The following RBM6 variants were observed in gnomAD, a reference collection of about 807,000 sequenced individuals.
RBM6 encodes the protein RNA binding motif protein 6.
A neutral mutation model predicts 140.4 loss-of-function variants in RBM6; 23 were observed. The ratio of observed to expected loss-of-function variants is 0.16; its 90% CI spans 0.12 to 0.23. The LOEUF is 0.23. Ranked by LOEUF, RBM6 falls within the 10% of genes least tolerant of loss-of-function variation. The pLI is 1.00. For missense variants in RBM6, 1,139 were observed against 1,386.7 expected (o/e 0.82, Z 2.84); for synonymous variants, 439 against 475.6 (o/e 0.92, Z 1.00).
At chr3:50,044,373 C>G (rs1007472933) in intron 6 of RBM6, among the ~76,000 whole-genome samples, 2 of 151,884 alleles carry the variant, frequency 1.3e-5, no homozygotes, top group African/African-American at 4.8e-5. Flanking sequence ...CCTGTAATCC[C>G]AGCACTTTGG....
chr3:49,988,359 GTCTTGAACTCC>G lies in RBM6; in HGVS notation c.1484-11079_1484-11069del, dbSNP rs559010907. The stretch of plus-strand genomic sequence containing the variant: ...GGGGGTCACTGTCTTGCCCAGGCAG[GTCTTGAACTCC>G]TAAGCTCAAACAACCGTCCTGCCTT... On this transcript the variant is annotated intron_variant, in intron 5 of 20. Transcript: ENST00000266022. 1.2e-4 allele frequency among the ~76,000 whole-genome samples: 18 copies of G among 152,026 alleles called. No homozygotes were observed. In the East Asian group the frequency reaches 2.3e-3, roughly 20 times the overall value.
At chr3:49,992,075 C>T (rs973926212) in intron 5 of RBM6, among the ~76,000 whole-genome samples, 1 of 152,140 alleles carries the variant, frequency 6.6e-6, no homozygotes, top group East Asian at 1.9e-4. Flanking sequence ...TTTCAGCCTC[C>T]CAAGTAGCTG....
intron 5 of RBM6, among the ~76,000 whole-genome samples, chr3:49,986,581 C>G (rs1239087688): frequency 7.5e-6 from 1 of 133,902 alleles, no homozygotes; most frequent in Non-Finnish European, 1.6e-5. Context: ...GGCAACAGAG[C>G]AAGACTCCGT....
At chr3:50,017,566 A>AAAAAAG (rs1225884467) in intron 6 of RBM6, among the ~76,000 whole-genome samples, 21 of 152,000 alleles carry the variant, frequency 1.4e-4, no homozygotes, top group African/African-American at 4.8e-4. Flanking sequence ...TCAAAAAAAA[A>AAAAAAG]AAAAAGAAAA....
At chr3:49,969,258 C>T (rs908174149) in intron 3 of RBM6, among the ~76,000 whole-genome samples, 1 of 148,716 alleles carries the variant, frequency 6.7e-6, no homozygotes, top group Non-Finnish European at 1.5e-5. Context: ...CTCCTGACCT[C>T]GTGATCCGCC....
chr3:50,060,146 G>A (rs1430279602), intron 11 of RBM6, among the ~76,000 whole-genome samples: 2 of 152,112 alleles, frequency 1.3e-5, no homozygotes, highest in African/African-American at 4.8e-5. Context: ...GGGCAACACA[G>A]CAAGACCCTA....
At chr3:50,035,082 CT>C (rs1269367027) in intron 6 of RBM6, among the ~76,000 whole-genome samples, 1 of 139,506 alleles carries the variant, frequency 7.2e-6, no homozygotes, top group African/African-American at 2.6e-5. Context: ...CTCTCTTTAT[CT>C]GTCTATCTGC....
chr3:49,968,060 G>T lies in RBM6; in HGVS notation c.635G>T (p.Arg212Leu). The change falls in exon 3 of 21, where the codon CGT (arginine) becomes CTT (leucine). Residue 212 changes from arginine (R) to leucine (L), a missense_variant. Coordinates refer to ENST00000266022, the MANE Select transcript of RBM6 (RefSeq NM_005777.3). Reference protein sequence around the residue: ...DLDFRAREQSRSDFRNRDVSD... With the variant: ...DLDFRAREQSLSDFRNRDVSD... ...GATTTTAGGGCCAGAGAACAGTCCCGTTCTGATTTTAGGAATAGAGATGTA... is the reference window on the plus strand; with the variant it reads ...GATTTTAGGGCCAGAGAACAGTCCCTTTCTGATTTTAGGAATAGAGATGTA... 2 of 1,614,130 alleles carry T rather than the reference G, an allele frequency of 1.2e-6. No homozygotes were observed. The highest frequency in any genetic ancestry group is 1.7e-6 in the Non-Finnish European group (2 of 1,180,018).
chr3:50,000,347 T>C (rs1371845373), intron 6 of RBM6, among the ~76,000 whole-genome samples: 11 of 104,964 alleles, frequency 1.0e-4, no homozygotes, highest in Admixed American at 3.7e-4. Context: ...TTTTTTTTTC[T>C]TTTTTTTTTT....
intron 2 of RBM6, among the ~76,000 whole-genome samples, chr3:49,963,895 A>C (rs969425131): frequency 6.6e-6 from 1 of 151,756 alleles, no homozygotes; most frequent in Non-Finnish European, 1.5e-5. Context: ...TAACTAGTAC[A>C]TTTTCCTTTT....
At chr3:49,997,739 T>C (rs2086153079) in intron 5 of RBM6, among the ~76,000 whole-genome samples, 1 of 152,206 alleles carries the variant, frequency 6.6e-6, no homozygotes, top group African/African-American at 2.4e-5. Flanking sequence ...CTGTAATGTT[T>C]CCCAAGAATA....
In RBM6 at chr3:50,066,343, C is replaced by T. The variant is rs751759233; in HGVS notation, c.2784C>T (p.Pro928=). The change falls in exon 17 of 21, where the codon CCC becomes CCT. Residue 928 remains proline, a synonymous_variant. Coordinates refer to ENST00000266022, the MANE Select transcript of RBM6 (RefSeq NM_005777.3). ...EEEEQTPPPQ[P]RTAQPQKREE... ...AGGAACAGACCCCTCCCCCACAGCC[C>T]CGCACAGCACAGCCCCAGAAGCGAG... 6.8e-6 allele frequency: 11 copies of T among 1,614,046 alleles called. No individual in the cohort carries two copies. Among genetic ancestry groups the T allele is most frequent in the Admixed American group, 3.3e-5 (2 of 60,018 alleles).
intron 6 of RBM6, among the ~76,000 whole-genome samples, chr3:50,032,041 G>A (rs769023341): frequency 1.3e-5 from 2 of 152,162 alleles, no homozygotes; most frequent in Non-Finnish European, 2.9e-5. Context: ...GTTATGTTCA[G>A]TTGATCAGAA....
chr3:50,021,244 G>GTATCATCTATCTGTGTATC (rs981861139), intron 6 of RBM6, among the ~76,000 whole-genome samples: 1 of 152,108 alleles, frequency 6.6e-6, no homozygotes, highest in African/African-American at 2.4e-5. Context: ...TTCTATGCAT[G>GTATCATCTATCTGTGTATC]TATCATCTAT....
At position 49,955,860 on chromosome 3, in the gene RBM6, C is replaced by CTGTGTG. The variant is rs146300035; in HGVS notation, c.-66-6696_-66-6691dup. Among the ~76,000 whole-genome samples, 90 of 145,574 alleles carry CTGTGTG rather than the reference C, an allele frequency of 6.2e-4. 1 individual carries two copies. Among genetic ancestry groups the CTGTGTG allele is most frequent in the South Asian group, 1.3e-3 (6 of 4,558 alleles). ...TCTCTCTGTGTCTCTCTCTCTCTCT[C>CTGTGTG]TGTGTGTGTGTGTGTGTGTGTGTGT... On this transcript the variant is annotated intron_variant, in intron 1 of 20. Coordinates refer to ENST00000266022, the MANE Select transcript of RBM6 (RefSeq NM_005777.3).
chr3:49,968,857 G>T, intron 3 of RBM6, 109 bp downstream of exon 3: 1 of 1,286,682 alleles, frequency 7.8e-7, no homozygotes, highest in Non-Finnish European at 1.0e-6. Context: ...CTCTGCTCAT[G>T]CAAGCTCCGC....
intron 6 of RBM6, among the ~76,000 whole-genome samples, chr3:50,040,493 T>TATATACACAC (rs749096137): frequency 4.7e-5 from 4 of 85,902 alleles, no homozygotes; most frequent in African/African-American, 4.6e-5. Context: ...TATATATATA[T>TATATACACAC]ACACACACAC....
At chr3:50,019,457 G>T (rs1466048485) in intron 6 of RBM6, among the ~76,000 whole-genome samples, 1 of 152,122 alleles carries the variant, frequency 6.6e-6, no homozygotes, top group South Asian at 2.1e-4. Flanking sequence ...CTAGTACAAT[G>T]CTGAAAGGAG....
At chr3:50,066,906 C>T (rs1256283842) in intron 17 of RBM6, among the ~76,000 whole-genome samples, 1 of 151,630 alleles carries the variant, frequency 6.6e-6, no homozygotes, top group Non-Finnish European at 1.5e-5. Flanking sequence ...TTATTTAGGC[C>T]GGGCCTAGTG....
Sources: allele counts gnomAD v4.1 joint callset (sites outside exome capture counted in the v4.1 genomes callset), GRCh38; gene constraint gnomAD v4.1.1; transcripts MANE v1.5; gene names NCBI Gene and HGNC (gene_info 2026-07-23, HGNC 2026-07-21).